The following ZFYVE9 variants were observed in gnomAD, a reference collection of about 807,000 sequenced individuals.
The protein encoded by ZFYVE9 is zinc finger FYVE domain-containing protein 9.
Under a neutral mutation model 126.7 loss-of-function variants are expected in ZFYVE9, and 43 were observed. The observed-to-expected ratio is 0.34, with a 90% confidence interval of 0.27 to 0.44. The LOEUF is 0.44. Among genes scored for constraint, ZFYVE9 ranks in the 20% least tolerant of loss-of-function variants. The pLI is 1.00. For missense variants in ZFYVE9, 1,476 were observed against 1,697.0 expected (o/e 0.87, Z 2.29); for synonymous variants, 521 against 597.4 (o/e 0.87, Z 1.87).
At chr1:52,337,557 A>C (rs1236390283) in intron 15 of ZFYVE9, among the ~76,000 whole-genome samples, 3 of 152,250 alleles carry the variant, frequency 2.0e-5, no homozygotes, top group Non-Finnish European at 2.9e-5. Flanking sequence ...AGAAATTCTT[A>C]GTTGTGTCTG....
intron 1 of ZFYVE9, among the ~76,000 whole-genome samples, 156 bp from the exon 2 acceptor site, chr1:52,216,213 C>T (rs1045573610): frequency 6.6e-6 from 1 of 152,158 alleles, no homozygotes; most frequent in Non-Finnish European, 1.5e-5. Context: ...TCTGTTGCTA[C>T]CTTGTATGCA....
intron 1 of ZFYVE9, among the ~76,000 whole-genome samples, chr1:52,175,136 C>G (rs1644612253): frequency 6.6e-6 from 1 of 152,092 alleles, no homozygotes; most frequent in Non-Finnish European, 1.5e-5. Context: ...TTTGCAGCGG[C>G]TGGTACTGGT....
chr1:52,143,026 C>T (rs537823977), intron 1 of ZFYVE9, among the ~76,000 whole-genome samples: 2 of 152,280 alleles, frequency 1.3e-5, no homozygotes, highest in South Asian at 2.1e-4. Flanking sequence ...TTATATCTTG[C>T]CTCTAAGCGT....
intron 1 of ZFYVE9, among the ~76,000 whole-genome samples, chr1:52,174,588 A>G (rs950535625): frequency 7.0e-4 from 105 of 150,368 alleles, no homozygotes; most frequent in African/African-American, 2.4e-3. Flanking sequence ...TGATCTGTCT[A>G]ATGTTGACAG....
intron 1 of ZFYVE9, among the ~76,000 whole-genome samples, chr1:52,200,147 A>C (rs2124567377): frequency 6.6e-6 from 1 of 151,404 alleles, no homozygotes; most frequent in African/African-American, 2.4e-5. Context: ...CATCCTCTTA[A>C]CAGTGTCATT....
chr1:52,151,984 T>C (rs1014848274), intron 1 of ZFYVE9, among the ~76,000 whole-genome samples: 2 of 152,078 alleles, frequency 1.3e-5, no homozygotes, highest in Non-Finnish European at 2.9e-5. Context: ...TGTTCAGCTA[T>C]GTATTACCCC....
At chr1:52,334,223 G>A (rs1646369632) in intron 14 of ZFYVE9, among the ~76,000 whole-genome samples, 1 of 152,122 alleles carries the variant, frequency 6.6e-6, no homozygotes, top group Non-Finnish European at 1.5e-5. Context: ...TTTGTGAAGG[G>A]CCAAATGATA....
At chr1:52,157,083 C>T (rs533841124) in intron 1 of ZFYVE9, among the ~76,000 whole-genome samples, 10 of 152,272 alleles carry the variant, frequency 6.6e-5, no homozygotes, top group South Asian at 4.1e-4. Flanking sequence ...CCGCCTGCCT[C>T]GGCCTCCGAA....
intron 2 of ZFYVE9, among the ~76,000 whole-genome samples, chr1:52,224,942 G>A (rs76529929): frequency 0.014 from 2,060 of 152,180 alleles, 20 homozygotes; most frequent in Non-Finnish European, 0.021. Flanking sequence ...TGCTTCCCTC[G>A]TGAGAATTTT....
intron 1 of ZFYVE9, among the ~76,000 whole-genome samples, chr1:52,205,466 C>T (rs886489271): frequency 2.0e-4 from 31 of 152,092 alleles, no homozygotes; most frequent in Non-Finnish European, 1.0e-4. Context: ...TGGGCTCAAG[C>T]GATCCTTCTG....
chr1:52,322,465 C>T (rs1646250635), intron 13 of ZFYVE9, among the ~76,000 whole-genome samples: 1 of 150,690 alleles, frequency 6.6e-6, no homozygotes, highest in Non-Finnish European at 1.5e-5. Flanking sequence ...GCAACTTCCG[C>T]CTCCCGGGTT....
intron 1 of ZFYVE9, among the ~76,000 whole-genome samples, chr1:52,164,662 A>G (rs12084590): frequency 0.046 from 6,984 of 152,170 alleles, 413 homozygotes; most frequent in African/African-American, 0.14. Context: ...CCATCCATCC[A>G]TCCATCCATC....
chr1:52,200,880 A>G (rs1644917102), intron 1 of ZFYVE9, among the ~76,000 whole-genome samples: 1 of 152,198 alleles, frequency 6.6e-6, no homozygotes, highest in Admixed American at 6.5e-5. Context: ...CCAATTTGAC[A>G]CTGTCTTGAT....
At chr1:52,295,693 G>A (rs1339521785) in intron 11 of ZFYVE9, among the ~76,000 whole-genome samples, 2 of 152,004 alleles carry the variant, frequency 1.3e-5, no homozygotes, top group Non-Finnish European at 2.9e-5. Context: ...CATTTACATC[G>A]AAAGGCTTAT....
rs1025225302 is a variant in ZFYVE9, at chr1:52,233,177, A to G, written c.-30A>G. 3 of 1,497,784 alleles carry G rather than the reference A, an allele frequency of 2.0e-6. No homozygotes were observed. Among genetic ancestry groups the G allele is most frequent in the Middle Eastern group, 1.8e-4 (1 of 5,628 alleles). 92.8% of individuals were successfully genotyped at this position (1,497,784 alleles called of 1,614,324 possible). On this transcript the variant is annotated 5_prime_UTR_variant, in exon 3 of 19. Coordinates refer to ENST00000287727, the MANE Select transcript of ZFYVE9 (RefSeq NM_004799.4). ...ATACGCATTTACTTTTTAGGTTTAA[A>G]CAAGTCTCTTAAGTGGTGTTTCCTC...
rs572912404 is a variant in ZFYVE9 at position 52,290,496 on chromosome 1, A to G, written c.3026-2957A>G. On this transcript the variant is annotated intron_variant, in intron 10 of 18. Transcript: ENST00000287727. The stretch of plus-strand genomic sequence containing the variant: ...TCTTTAATTCCCTATTCTCCTCCTT[A>G]TTCACCAAAGCTAGATAAAGAGATG... 2.0e-4 allele frequency among the ~76,000 whole-genome samples: 30 copies of G among 152,248 alleles called. No individual in the cohort carries two copies. In the South Asian group the frequency reaches 6.0e-3, roughly 30 times the overall value.
At chr1:52,253,784 A>C in intron 4 of ZFYVE9, 1 of 1,605,986 alleles carries the variant, frequency 6.2e-7, no homozygotes, top group Non-Finnish European at 8.5e-7. Flanking sequence ...ACTTATTGGC[A>C]ATCAGATGGC....
chr1:52,155,971 A>G (rs576216520), intron 1 of ZFYVE9, among the ~76,000 whole-genome samples: 2 of 152,286 alleles, frequency 1.3e-5, no homozygotes, highest in African/African-American at 4.8e-5. Flanking sequence ...TCTTTGGAAC[A>G]CATGTACCCC....
Position 52,305,358 on chromosome 1 carries a change from G to T in ZFYVE9, c.3438+1433G>T, listed in dbSNP as rs147947450. On this transcript the variant is annotated intron_variant, in intron 13 of 18. Coordinates refer to ENST00000287727, the MANE Select transcript of ZFYVE9 (RefSeq NM_004799.4). ...GCAGGAGAATTGCTTGAACATGGGA[G>T]GCAGAGGTTGCAGTGAGCTGAGATC... Among the ~76,000 whole-genome samples the T allele has an allele frequency of 2.2e-3, 328 of 152,284 alleles. 2 individuals are homozygous for T. The highest frequency in any genetic ancestry group is 7.2e-3 in the African/African-American group (299 of 41,558).
Sources: allele counts gnomAD v4.1 joint callset (sites outside exome capture counted in the v4.1 genomes callset), GRCh38; gene constraint gnomAD v4.1.1; transcripts MANE v1.5; gene names NCBI Gene and HGNC (gene_info 2026-07-23, HGNC 2026-07-21).